Variants in BICD1 observed in about 807,000 individuals in gnomAD.
BICD1 encodes the protein protein bicaudal D homolog 1.
A neutral mutation model predicts 92.5 loss-of-function variants in BICD1; 35 were observed. The observed-to-expected ratio is 0.38, with a 90% CI of 0.29 to 0.50. The LOEUF is 0.50. BICD1 is among the 20% of genes least tolerant of loss of function. The pLI is 0.93. For missense variants in BICD1, 950 were observed against 1,189.8 expected (o/e 0.80, Z 2.97); for synonymous variants, 429 against 465.1 (o/e 0.92, Z 1.00).
chr12:32,198,109 G>T (rs1013936925), intron 1 of BICD1, among the ~76,000 whole-genome samples: 2 of 151,868 alleles, frequency 1.3e-5, no homozygotes, highest in African/African-American at 4.8e-5. Flanking sequence ...GGTGGCTGAG[G>T]CAAGAGAATC....
At chr12:32,248,865 G>C (rs991631148) in intron 2 of BICD1, among the ~76,000 whole-genome samples, 1 of 152,206 alleles carries the variant, frequency 6.6e-6, no homozygotes, top group Non-Finnish European at 1.5e-5. Context: ...TGTGCTTAAG[G>C]CACAAATTCC....
intron 1 of BICD1, among the ~76,000 whole-genome samples, chr12:32,142,092 A>C (rs1023695235): frequency 6.6e-6 from 1 of 152,136 alleles, no homozygotes; most frequent in Admixed American, 6.5e-5. Context: ...CTGAAACTCT[A>C]TTGAAGTATG....
At chr12:32,120,102 CTTA>C (rs572896120) in intron 1 of BICD1, among the ~76,000 whole-genome samples, 180 of 152,048 alleles carry the variant, frequency 1.2e-3, no homozygotes, top group Non-Finnish European at 2.0e-3. Flanking sequence ...AAAGTTCTCT[CTTA>C]TTGTGTCTAT....
chr12:32,366,425 G>C lies in BICD1; in HGVS notation c.2765-1245G>C, dbSNP rs1939526773. Among the ~76,000 whole-genome samples the C allele has an allele frequency of 3.9e-5, 6 of 152,314 alleles. No homozygotes were observed. The South Asian group carries it at 1.2e-3, about 32-fold the overall frequency. ...ACCTGAGGTCAGGAGTTCAAGACCA[G>C]CCTGACCAATATGGTGAAACCCTGT... On this transcript the variant is annotated intron_variant, in intron 8 of 9. Coordinates refer to ENST00000652176, the MANE Select transcript of BICD1 (RefSeq NM_001714.4).
intron 3 of BICD1, among the ~76,000 whole-genome samples, chr12:32,300,802 G>T (rs1286251256): frequency 6.7e-6 from 1 of 148,340 alleles, no homozygotes; most frequent in African/African-American, 2.6e-5. Context: ...CCACCACCAT[G>T]CCCAGCTAAA....
chr12:32,128,523 A>G (rs1942423738), intron 1 of BICD1, among the ~76,000 whole-genome samples: 1 of 152,220 alleles, frequency 6.6e-6, no homozygotes, highest in South Asian at 2.1e-4. Flanking sequence ...CTGAGATGAA[A>G]TATTACCTAA....
At chr12:32,292,850 G>A (rs572860733) in intron 2 of BICD1, among the ~76,000 whole-genome samples, 58 of 152,168 alleles carry the variant, frequency 3.8e-4, no homozygotes, top group Non-Finnish European at 5.4e-4. Context: ...CTATGAATAT[G>A]TTACATGTAT....
intron 8 of BICD1, among the ~76,000 whole-genome samples, chr12:32,361,697 G>A (rs1939335573): frequency 6.6e-6 from 1 of 152,114 alleles, no homozygotes; most frequent in South Asian, 2.1e-4. Context: ...GGAAAGAGAT[G>A]TGGTGTGGAA....
At chr12:32,232,707 T>C (rs1592523935) in intron 2 of BICD1, among the ~76,000 whole-genome samples, 1 of 152,024 alleles carries the variant, frequency 6.6e-6, no homozygotes, top group Non-Finnish European at 1.5e-5. Context: ...TCTTCTAGGG[T>C]TTTTATGGTT....
At chr12:32,194,983 A>G (rs1944686107) in intron 1 of BICD1, among the ~76,000 whole-genome samples, 1 of 152,076 alleles carries the variant, frequency 6.6e-6, no homozygotes, top group Non-Finnish European at 1.5e-5. Flanking sequence ...AATATTAATG[A>G]AAGAAATTGA....
chr12:32,303,923 A>G (rs1948136925), intron 3 of BICD1, among the ~76,000 whole-genome samples: 1 of 152,104 alleles, frequency 6.6e-6, no homozygotes, highest in African/African-American at 2.4e-5. Context: ...AAATACAAAA[A>G]AATTAGCCAG....
chr12:32,265,450 T>G (rs927129805), intron 2 of BICD1, among the ~76,000 whole-genome samples: 7 of 151,732 alleles, frequency 4.6e-5, no homozygotes, highest in African/African-American at 1.7e-4. Context: ...GGCTCACACC[T>G]GTAATCCCAG....
chr12:32,281,193 A>T lies in BICD1; in HGVS notation c.427-12801A>T, dbSNP rs549192532. ...TATTACTCTTTCCCAGCTATGACAGATCTTTTTATATTTCTTTTTTTCTTC... is the reference window on the plus strand; with the variant it reads ...TATTACTCTTTCCCAGCTATGACAGTTCTTTTTATATTTCTTTTTTTCTTC... On this transcript the variant is annotated intron_variant, in intron 2 of 9. Transcript: ENST00000652176. Among the ~76,000 whole-genome samples the T allele has an allele frequency of 2.4e-3, 358 of 152,144 alleles. 2 individuals carry two copies. The highest frequency in any genetic ancestry group is 8.2e-3 in the African/African-American group (342 of 41,506).
At chr12:32,133,437 A>G (rs1335221847) in intron 1 of BICD1, among the ~76,000 whole-genome samples, 1 of 152,090 alleles carries the variant, frequency 6.6e-6, no homozygotes, top group South Asian at 2.1e-4. Flanking sequence ...GCAGTGAGCC[A>G]AGATCGTGCC....
chr12:32,183,655 A>C (rs1364671911), intron 1 of BICD1, among the ~76,000 whole-genome samples: 1 of 152,230 alleles, frequency 6.6e-6, no homozygotes, highest in South Asian at 2.1e-4. Flanking sequence ...TACTCTGAGA[A>C]TGACCTTGCA....
At chr12:32,200,249 C>T (rs186298574) in intron 1 of BICD1, among the ~76,000 whole-genome samples, 99 of 152,284 alleles carry the variant, frequency 6.5e-4, no homozygotes, top group South Asian at 2.5e-3. Flanking sequence ...AAGCTTTAGG[C>T]TGAGGACATT....
chr12:32,273,784 A>G (rs1019384925), intron 2 of BICD1, among the ~76,000 whole-genome samples: 1 of 152,230 alleles, frequency 6.6e-6, no homozygotes, highest in Admixed American at 6.5e-5. Context: ...TCAGGGACAC[A>G]TAGAAGGGTG....
chr12:32,312,535 A>C (rs1345683685), intron 4 of BICD1, among the ~76,000 whole-genome samples: 3 of 152,220 alleles, frequency 2.0e-5, no homozygotes, highest in Non-Finnish European at 4.4e-5. Context: ...GTCAATACAT[A>C]AATTATAAAA....
chr12:32,290,156 T>C (rs1051808574), intron 2 of BICD1, among the ~76,000 whole-genome samples: 1 of 124,196 alleles, frequency 8.1e-6, no homozygotes, highest in Non-Finnish European at 1.8e-5. Context: ...CAACCCCTTA[T>C]ATATAAATGA....
Sources: gnomAD v4.1 joint callset for allele counts (sites outside exome capture counted in the v4.1 genomes callset) on GRCh38, gnomAD v4.1.1 for gene constraint, MANE v1.5 for transcripts, NCBI Gene and HGNC (gene_info 2026-07-23, HGNC 2026-07-21) for gene names.